The following RNF144A variants were observed in gnomAD, a reference collection of about 807,000 sequenced individuals.
The protein encoded by RNF144A is E3 ubiquitin-protein ligase RNF144A.
Under a neutral mutation model 38.7 loss-of-function variants are expected in RNF144A, and 11 were observed. The observed-to-expected ratio is 0.28, with a 90% CI of 0.18 to 0.47. The LOEUF (loss-of-function observed/expected upper bound fraction) is 0.47, where lower values mean the gene tolerates loss of function less well. RNF144A is among the 20% of genes least tolerant of loss of function. The pLI is 0.99. For missense variants in RNF144A, 316 were observed against 377.2 expected (o/e 0.84, Z 1.34); for synonymous variants, 149 against 143.9 (o/e 1.04, Z -0.25).
chr2:7,005,343 C>T (rs1670369438), intron 3 of RNF144A, among the ~76,000 whole-genome samples: 2 of 152,176 alleles, frequency 1.3e-5, no homozygotes, highest in South Asian at 2.1e-4. Context: ...GGTGGGCTTC[C>T]CAGGCCTCTC....
chr2:7,045,142 C>T (rs1234849931), downstream of RNF144A, among the ~76,000 whole-genome samples: 1 of 152,182 alleles, frequency 6.6e-6, no homozygotes. Context: ...AGGAAGGGCC[C>T]AGTTCAACAA....
chr2:7,046,747 C>T (rs1466442384), downstream of RNF144A, among the ~76,000 whole-genome samples: 1 of 152,188 alleles, frequency 6.6e-6, no homozygotes, highest in African/African-American at 2.4e-5. Context: ...GTTGTGCGTA[C>T]AGCCTGTGGT....
intron 2 of RNF144A, among the ~76,000 whole-genome samples, chr2:6,990,856 A>G (rs1028833501): frequency 1.3e-5 from 2 of 152,000 alleles, no homozygotes; most frequent in African/African-American, 4.8e-5. Flanking sequence ...CTTCCTCTCC[A>G]TGATCCCTGG....
At chr2:6,966,918 A>C (rs1667701609) in intron 2 of RNF144A, among the ~76,000 whole-genome samples, 1 of 152,014 alleles carries the variant, frequency 6.6e-6, no homozygotes, top group South Asian at 2.1e-4. Flanking sequence ...AGCCCTCCTG[A>C]TCCTTGAAGA....
intron 2 of RNF144A, among the ~76,000 whole-genome samples, chr2:6,994,306 G>A (rs1169708308): frequency 6.6e-6 from 1 of 152,044 alleles, no homozygotes; most frequent in Non-Finnish European, 1.5e-5. Context: ...CAGTGCCTGG[G>A]GTGAAGGTTT....
At chr2:7,021,954 C>G (rs1339445589) in intron 6 of RNF144A, among the ~76,000 whole-genome samples, 2 of 152,224 alleles carry the variant, frequency 1.3e-5, no homozygotes, top group Non-Finnish European at 2.9e-5. Flanking sequence ...TGATCTAAAT[C>G]AAAATTCAGA....
chr2:7,028,028 A>G (rs1672033438), intron 7 of RNF144A, among the ~76,000 whole-genome samples: 1 of 151,988 alleles, frequency 6.6e-6, no homozygotes, highest in South Asian at 2.1e-4. Context: ...GGAGCTTGTC[A>G]TCTCCCTGAC....
intron 1 of RNF144A, among the ~76,000 whole-genome samples, chr2:6,929,586 TCAAAA>T (rs1436372948): frequency 1.3e-5 from 2 of 152,220 alleles, no homozygotes; most frequent in East Asian, 3.8e-4. Context: ...GTGGTGGTTT[TCAAAA>T]CCACGCATGT....
rs1372684740 is a variant in RNF144A, at chr2:6,917,533, G to A, written c.-301G>A. The A allele has an allele frequency of 1.4e-5, 2 of 146,254 alleles. No homozygotes were observed. The highest frequency in any genetic ancestry group is 3.1e-5 in the Non-Finnish European group (2 of 65,110). The allele number at this position is 146,254 out of a possible 1,614,324, so 9.1% of individuals were successfully genotyped here. ...GTGCGGGCTGCGCGGGCGCGGGGAG[G>A]CGCGGGCGGCAAACTGCGGGCACCC... is the stretch of plus-strand genomic sequence containing the variant. On this transcript the variant is annotated 5_prime_UTR_variant, in exon 1 of 9. Transcript: ENST00000320892. The surrounding 1 kb of genome is among the most constrained non-coding windows in gnomAD (Gnocchi z 4.8).
At position 6,941,391 on chromosome 2, in the gene RNF144A, A is replaced by G. The variant is rs1186137684; in HGVS notation, c.-12+244A>G. The stretch of plus-strand genomic sequence containing the variant: ...TTTGGAAAGATTTCCAGGTTTATTC[A>G]TTTGCTGCTTTTAACAATCCTTGGA... On this transcript the variant is annotated intron_variant, in intron 2 of 8. Coordinates refer to ENST00000320892, the MANE Select transcript of RNF144A (RefSeq NM_014746.6). The surrounding 1 kb of genome is among the most constrained non-coding windows in gnomAD (Gnocchi z 6.5). 6.6e-6 allele frequency among the ~76,000 whole-genome samples: 1 copy of G among 152,168 alleles called. No individual in the cohort carries two copies. Among genetic ancestry groups the G allele is most frequent in the South Asian group, 2.1e-4 (1 of 4,828 alleles).
intron 3 of RNF144A, among the ~76,000 whole-genome samples, chr2:7,008,494 G>T (rs1021544690): frequency 1.3e-5 from 2 of 152,192 alleles, no homozygotes; most frequent in African/African-American, 4.8e-5. Flanking sequence ...AGCCGTGGAT[G>T]ACACAGGCCC....
Position 6,962,608 on chromosome 2 carries a change from A to G in RNF144A, c.-12+21461A>G, listed in dbSNP as rs545771258. On this transcript the variant is annotated intron_variant, in intron 2 of 8. Coordinates refer to ENST00000320892, the MANE Select transcript of RNF144A (RefSeq NM_014746.6). This position sits in a 1 kb window ranked among gnomAD's most constrained non-coding sequence, Gnocchi z 4.1. ...ACTGGTTTCCTCATCTGTGAAGCCA[A>G]TATCTCATCAGATTATGGATAAATT... is the stretch of plus-strand genomic sequence containing the variant. 1.1e-4 allele frequency among the ~76,000 whole-genome samples: 17 copies of G among 152,344 alleles called. No homozygotes were observed. Among genetic ancestry groups the G allele is most frequent in the Admixed American group, 1.0e-3 (16 of 15,306 alleles).
intron 2 of RNF144A, among the ~76,000 whole-genome samples, chr2:6,980,616 C>T (rs1299930602): frequency 6.6e-6 from 1 of 152,250 alleles, no homozygotes; most frequent in Non-Finnish European, 1.5e-5. Flanking sequence ...CTGTAGGGTA[C>T]AGCCGCTGCA....
At chr2:6,959,603 A>G (rs983942475) in intron 2 of RNF144A, among the ~76,000 whole-genome samples, 1 of 152,198 alleles carries the variant, frequency 6.6e-6, no homozygotes, top group Admixed American at 6.5e-5. Context: ...ATAGCACAGC[A>G]GAAGGCATCA....
At position 6,943,765 on chromosome 2, in the gene RNF144A, C is replaced by T. The variant is rs1281299120; in HGVS notation, c.-12+2618C>T. 4.6e-5 allele frequency among the ~76,000 whole-genome samples: 7 copies of T among 152,056 alleles called. No homozygotes were observed. Among genetic ancestry groups the T allele is most frequent in the Admixed American group, 1.3e-4 (2 of 15,274 alleles). On this transcript the variant is annotated intron_variant, in intron 2 of 8. Coordinates refer to ENST00000320892, the MANE Select transcript of RNF144A (RefSeq NM_014746.6). The surrounding 1 kb of genome is among the most constrained non-coding windows in gnomAD (Gnocchi z 4.3). ...GGCTCTGCAGTTCTCTTCTGATTAC[C>T]GACCTTTCTTTGTGAAATGGGAGTC...
chr2:6,930,882 C>A (rs1412560317), intron 1 of RNF144A, among the ~76,000 whole-genome samples: 2 of 152,212 alleles, frequency 1.3e-5, no homozygotes, highest in Non-Finnish European at 2.9e-5. Flanking sequence ...GCATGAGCCA[C>A]TGCGCCTGGC....
At chr2:7,027,696 C>T (rs1672001980) in intron 7 of RNF144A, among the ~76,000 whole-genome samples, 1 of 152,200 alleles carries the variant, frequency 6.6e-6, no homozygotes, top group African/African-American at 2.4e-5. Flanking sequence ...TCATCCCACC[C>T]CGGAGTTCAA....
intron 2 of RNF144A, among the ~76,000 whole-genome samples, chr2:6,967,115 T>C (rs1366363793): frequency 6.6e-6 from 1 of 152,110 alleles, no homozygotes; most frequent in Non-Finnish European, 1.5e-5. Flanking sequence ...TTTCCGTGAC[T>C]CTCCCAGCAA....
intron 1 of RNF144A, among the ~76,000 whole-genome samples, chr2:6,931,612 A>G (rs1665214933): frequency 6.6e-6 from 1 of 152,200 alleles, no homozygotes; most frequent in Admixed American, 6.5e-5. Context: ...ATAATGCCAT[A>G]TTTCCATTTT....
Sources: allele counts gnomAD v4.1 joint callset (sites outside exome capture counted in the v4.1 genomes callset), GRCh38; gene constraint gnomAD v4.1.1; non-coding constraint Gnocchi (gnomAD v3.1); transcripts MANE v1.5; gene names NCBI Gene and HGNC (gene_info 2026-07-23, HGNC 2026-07-21).